Variants in CFAP53 observed in about 807,000 individuals in gnomAD.
The protein encoded by CFAP53 is cilia and flagella associated protein 53, also known as cilia- and flagella-associated protein 53.
A neutral mutation model predicts 59.7 loss-of-function variants in CFAP53; 62 were observed. The observed-to-expected ratio is 1.04, with a 90% CI of 0.85 to 1.28. CFAP53 has a LOEUF of 1.28. Among genes scored for constraint, CFAP53 ranks in the 50% most tolerant of loss-of-function variants. The probability of loss-of-function intolerance (pLI) is 0.00; values close to 1 mark genes in which losing one functional copy is unlikely to be tolerated. For synonymous variants in CFAP53, 218 were observed against 205.7 expected, an observed-to-expected ratio of 1.06 and a Z score of -0.51; for missense variants, 629 against 615.6, an observed-to-expected ratio of 1.02 and a Z score of -0.23.
At chr18:50,231,703 G>A (rs2033585309) in intron 7 of CFAP53, among the ~76,000 whole-genome samples, 1 of 152,250 alleles carries the variant, frequency 6.6e-6, no homozygotes, top group South Asian at 2.1e-4. Context: ...GCCTGGAAGA[G>A]AGGAAGGCTT....
intron 3 of CFAP53, among the ~76,000 whole-genome samples, chr18:50,256,965 C>T (rs1568158616): frequency 1.3e-5 from 2 of 148,620 alleles, no homozygotes; most frequent in Non-Finnish European, 3.0e-5. Flanking sequence ...ACCTAACAAC[C>T]TAAGTGACAC....
At chr18:50,236,384 C>T (rs1430336109) in intron 7 of CFAP53, among the ~76,000 whole-genome samples, 2 of 152,342 alleles carry the variant, frequency 1.3e-5, no homozygotes, top group South Asian at 2.1e-4. Flanking sequence ...TTCAGCAATG[C>T]AAACCTCTAC....
intron 1 of CFAP53, among the ~76,000 whole-genome samples, chr18:50,265,496 G>A (rs2033943855): frequency 6.6e-6 from 1 of 152,106 alleles, no homozygotes; most frequent in South Asian, 2.1e-4. Flanking sequence ...AGGGATACTT[G>A]ACTTGTATAA....
chr18:50,261,244 C>T lies in CFAP53; in HGVS notation c.300-7G>A. ...TGCTAAAAGCTCACGTAGCCTGAAACAAAAAGCCAAAAAAAAAAAAAAAAA... is the reference window on the plus strand; with the variant it reads ...TGCTAAAAGCTCACGTAGCCTGAAATAAAAAGCCAAAAAAAAAAAAAAAAA... On this transcript the variant is annotated splice_region_variant and splice_polypyrimidine_tract_variant and intron_variant, in intron 2 of 7. Transcript: ENST00000398545. The T allele has an allele frequency of 1.3e-6, 1 of 749,326 alleles. No individual in the cohort carries two copies. Among genetic ancestry groups the T allele is most frequent in the Middle Eastern group, 4.9e-4 (1 of 2,052 alleles). 46.4% of individuals were successfully genotyped at this position (749,326 alleles called of 1,614,324 possible).
At chr18:50,262,348 C>A (rs539480474) in intron 1 of CFAP53, 129 bp from the exon 2 acceptor site, 2 of 672,794 alleles carry the variant, frequency 3.0e-6, no homozygotes, top group Non-Finnish European at 5.1e-6. Flanking sequence ...CATCCTACTA[C>A]AACTGAATAC....
chr18:50,232,062 C>G (rs1030297177), intron 7 of CFAP53, among the ~76,000 whole-genome samples: 4 of 152,172 alleles, frequency 2.6e-5, no homozygotes, highest in Admixed American at 6.5e-5. Flanking sequence ...TTAGAAAGTG[C>G]ACCCCAAGTT....
chr18:50,231,365 A>T (rs1390352900), intron 7 of CFAP53, among the ~76,000 whole-genome samples: 1 of 152,168 alleles, frequency 6.6e-6, no homozygotes, highest in Non-Finnish European at 1.5e-5. Flanking sequence ...GTCACTGCTC[A>T]CCCACATTTT....
chr18:50,257,484 G>A (rs1250239708), intron 3 of CFAP53, among the ~76,000 whole-genome samples: 6 of 152,176 alleles, frequency 3.9e-5, no homozygotes, highest in South Asian at 2.1e-4. Context: ...ACTGAACAAC[G>A]TGAAAAAGAA....
chr18:50,238,616 CCTTCT>C lies in CFAP53; in HGVS notation c.1298_1302del (p.Glu433GlyfsTer40). 1 of 1,606,696 alleles carries C rather than the reference CCTTCT, an allele frequency of 6.2e-7. No homozygotes were observed. Among genetic ancestry groups the C allele is most frequent in the Non-Finnish European group, 8.5e-7 (1 of 1,176,480 alleles). On this transcript the variant is annotated frameshift_variant, in exon 7 of 8. Transcript: ENST00000398545. LOFTEE classifies it low-confidence loss of function (END_TRUNC). ...ACAAAATCATACCTTGCAAAATTCT[CCTTCT>C]CTTCACAGTTAAGTTCTTTAAGACT...
chr18:50,252,050 A>AATGACTGACCT (rs923685033), intron 3 of CFAP53, among the ~76,000 whole-genome samples: 4 of 151,992 alleles, frequency 2.6e-5, no homozygotes, highest in Non-Finnish European at 5.9e-5. Context: ...TGTTAACCCC[A>AATGACTGACCT]ATGACTGACC....
intron 6 of CFAP53, among the ~76,000 whole-genome samples, chr18:50,239,353 CAATAAATA>C (rs544000478): frequency 2.7e-5 from 4 of 150,086 alleles, no homozygotes; most frequent in Non-Finnish European, 5.9e-5. Context: ...GACGCCGTCT[CAATAAATA>C]AATAAATAAA....
At chr18:50,252,784 G>T (rs150533226) in intron 3 of CFAP53, among the ~76,000 whole-genome samples, 2,040 of 152,280 alleles carry the variant, frequency 0.013, 36 homozygotes, top group African/African-American at 0.046. Flanking sequence ...CACTTTGGGA[G>T]GCCAAGGCAG....
At chr18:50,229,809 A>C (rs1351495338) in intron 7 of CFAP53, among the ~76,000 whole-genome samples, 1 of 148,188 alleles carries the variant, frequency 6.7e-6, no homozygotes, top group African/African-American at 2.5e-5. Context: ...GCACAATCAC[A>C]CAATCATGGC....
At chr18:50,264,016 G>A (rs930102930) in intron 1 of CFAP53, among the ~76,000 whole-genome samples, 1 of 152,158 alleles carries the variant, frequency 6.6e-6, no homozygotes, top group Non-Finnish European at 1.5e-5. Flanking sequence ...TAAATATAAT[G>A]CAAAACAGAT....
At chr18:50,250,521 G>C (rs868009743) in intron 5 of CFAP53, among the ~76,000 whole-genome samples, 1 of 152,132 alleles carries the variant, frequency 6.6e-6, no homozygotes, top group African/African-American at 2.4e-5. Flanking sequence ...AGAATCACCT[G>C]GGGGAGTGTG....
At chr18:50,246,130 T>C (rs1031348337) in intron 5 of CFAP53, among the ~76,000 whole-genome samples, 2 of 152,222 alleles carry the variant, frequency 1.3e-5, no homozygotes, top group Admixed American at 6.5e-5. Flanking sequence ...CCTCAGGTGA[T>C]CCTCCTGCCT....
chr18:50,244,899 A>C (rs1425046486), intron 5 of CFAP53, among the ~76,000 whole-genome samples: 2 of 151,738 alleles, frequency 1.3e-5, no homozygotes, highest in Non-Finnish European at 2.9e-5. Context: ...CGTCTCTACT[A>C]AAAATACAAA....
At chr18:50,239,196 C>A (rs1157186299) in intron 6 of CFAP53, among the ~76,000 whole-genome samples, 5 of 151,388 alleles carry the variant, frequency 3.3e-5, no homozygotes, top group Admixed American at 3.3e-4. Context: ...GAGACCAGCC[C>A]GGCCAACATG....
At chr18:50,261,372 T>A in intron 2 of CFAP53, 135 bp from the exon 3 acceptor site, 1 of 1,045,888 alleles carries the variant, frequency 9.6e-7, no homozygotes, top group Non-Finnish European at 1.3e-6. Flanking sequence ...AGAATAAGAC[T>A]GGTTGGTTTG....
Sources: gnomAD v4.1 joint callset for allele counts (sites outside exome capture counted in the v4.1 genomes callset) on GRCh38, gnomAD v4.1.1 for gene constraint, MANE v1.5 for transcripts, NCBI Gene and HGNC (gene_info 2026-07-23, HGNC 2026-07-21) for gene names.